DDX60L: variants seen among roughly 807,000 people sequenced by gnomAD.
The protein encoded by DDX60L is DExD/H-box 60 like.
In DDX60L, 191 loss-of-function variants were observed where a neutral mutation model predicts 211.6. That is an observed-to-expected ratio of 0.90 (90% CI 0.80 to 1.02). The LOEUF (loss-of-function observed/expected upper bound fraction) is 1.02, where lower values mean the gene tolerates loss of function less well. DDX60L is among the 50% of genes least tolerant of loss of function. DDX60L has a pLI of 0.00. For synonymous variants in DDX60L, 706 were observed against 694.1 expected, an observed-to-expected ratio of 1.02 and a Z score of -0.27; for missense variants, 2,007 against 1,984.1, an observed-to-expected ratio of 1.01 and a Z score of -0.22.
chr4:168,406,526 T>C, intron 23 of DDX60L, 76 bp downstream of exon 23: 1 of 1,020,544 alleles, frequency 9.8e-7, no homozygotes, highest in Non-Finnish European at 1.5e-6. Flanking sequence ...TGTGCTTACC[T>C]GTAGAGTAAT....
Position 168,432,423 on chromosome 4 carries a change from A to G in DDX60L, c.1516+32T>C, listed in dbSNP as rs1458620166. 3 of 1,271,742 alleles carry G rather than the reference A, an allele frequency of 2.4e-6. No individual in the cohort carries two copies. The Admixed American group carries it at 7.1e-5, about 30-fold the overall frequency. The allele number at this position is 1,271,742 out of a possible 1,614,324, so 78.8% of individuals were successfully genotyped here. A position where few individuals can be genotyped will look rare whatever the true frequency, so the allele number is the denominator to read the frequency against. On this transcript the variant is annotated intron_variant, in intron 12 of 37. Coordinates refer to ENST00000682922, the MANE Select transcript of DDX60L (RefSeq NM_001012967.3). ...AAAGAGCAGCAAAGGCAATTCATAT[A>G]AGCTCTATTTTATCGTGGTTACAGA...
At position 168,396,137 on chromosome 4, in the gene DDX60L, A is replaced by AC; in HGVS notation, c.3492-14_3492-13insG. On this transcript the variant is annotated splice_polypyrimidine_tract_variant and intron_variant, in intron 26 of 37. Coordinates refer to ENST00000682922, the MANE Select transcript of DDX60L (RefSeq NM_001012967.3). ...GTTTTTTTTAGTGCTACTATTTAAA[A>AC]AAAAAAAAAAACTTTTAAGTAATGA... 2 of 1,400,292 alleles carry AC rather than the reference A, an allele frequency of 1.4e-6. No homozygotes were observed. Among genetic ancestry groups the AC allele is most frequent in the Non-Finnish European group, 1.9e-6 (2 of 1,045,114 alleles). The allele number at this position is 1,400,292 out of a possible 1,614,324, so 86.7% of individuals were successfully genotyped here. A position where few individuals can be genotyped will look rare whatever the true frequency, so the allele number is the denominator to read the frequency against.
At position 168,472,460 on chromosome 4, in the gene DDX60L, T is replaced by C. The variant is rs1298066958; in HGVS notation, c.69A>G (p.Lys23=). 1 of 1,562,130 alleles carries C rather than the reference T, an allele frequency of 6.4e-7. No homozygotes were observed. Among genetic ancestry groups the C allele is most frequent in the Non-Finnish European group, 8.7e-7 (1 of 1,151,846 alleles). The part of the protein sequence containing the change: ...MTQLILNEMP[K]AGYSSILNDF... ...TTTTACTTCACAGTACTTACCCAGC[T>C]TTTGGCATTTCATTCAAAATTAACT... Residue 23 remains lysine (K), a synonymous_variant, in exon 3 of 38, where the codon AAA becomes AAG. Coordinates refer to ENST00000682922, the MANE Select transcript of DDX60L (RefSeq NM_001012967.3).
chr4:168,437,275 T>C (rs1233727621), intron 10 of DDX60L, among the ~76,000 whole-genome samples: 1 of 152,158 alleles, frequency 6.6e-6, no homozygotes, highest in Non-Finnish European at 1.5e-5. Context: ...CCTAATGTAA[T>C]AACTGCTATT....
At chr4:168,359,293 C>T (rs1369777935) in intron 37 of DDX60L, among the ~76,000 whole-genome samples, 2 of 152,196 alleles carry the variant, frequency 1.3e-5, no homozygotes, top group Non-Finnish European at 2.9e-5. Flanking sequence ...CTATTGACTG[C>T]TGAACATTTC....
intron 30 of DDX60L, among the ~76,000 whole-genome samples, chr4:168,381,775 A>G (rs543512031): frequency 2.6e-5 from 4 of 152,158 alleles, no homozygotes; most frequent in African/African-American, 9.7e-5. Flanking sequence ...CTGAAGACTA[A>G]TGGCTCAAAT....
At chr4:168,409,457 T>C (rs1748307245) in intron 22 of DDX60L, among the ~76,000 whole-genome samples, 1 of 152,200 alleles carries the variant, frequency 6.6e-6, no homozygotes, top group Non-Finnish European at 1.5e-5. Context: ...AAAAACTTGC[T>C]GAAAATTCAA....
intron 29 of DDX60L, among the ~76,000 whole-genome samples, chr4:168,391,215 G>A (rs932258549): frequency 5.9e-5 from 9 of 151,650 alleles, no homozygotes; most frequent in African/African-American, 2.2e-4. Context: ...ACATACTCCC[G>A]GAAAAATAAA....
intron 26 of DDX60L, 32 bp downstream of exon 26, chr4:168,400,794 G>A (rs545382547): frequency 7.0e-6 from 11 of 1,564,472 alleles, no homozygotes; most frequent in Admixed American, 1.9e-5. Flanking sequence ...GTCTTCAGGG[G>A]CCAATTTGTT....
intron 18 of DDX60L, 44 bp downstream of exon 18, chr4:168,420,217 T>TAAA: frequency 6.9e-7 from 1 of 1,440,018 alleles, no homozygotes. Flanking sequence ...ATATAAGTAC[T>TAAA]GCTCTATAAT....
In DDX60L at chr4:168,406,034, G is replaced by T. The variant is rs1267538699; in HGVS notation, c.3129C>A (p.Val1043=). ...EEFILFKNKI[V]IKKLDARKYE... is the part of the protein sequence containing the mutation. ...ATTTTCTAGCATCCAACTTCTTAAT[G>T]ACTATCTTATTCTTAAAAAGAATGA... Residue 1043 remains valine (V), a synonymous_variant, in exon 24 of 38, where the codon GTC becomes GTA. Coordinates refer to ENST00000682922, the MANE Select transcript of DDX60L (RefSeq NM_001012967.3). The T allele has an allele frequency of 1.2e-6, 2 of 1,601,326 alleles. No homozygotes were observed. The highest frequency in any genetic ancestry group is 2.7e-5 in the African/African-American group (2 of 74,390).
At chr4:168,455,272 T>TTGTGTGTG (rs34353821) in intron 7 of DDX60L, among the ~76,000 whole-genome samples, 2,710 of 144,128 alleles carry the variant, frequency 0.019, 46 homozygotes, top group African/African-American at 0.023. Context: ...CATACAAACT[T>TTGTGTGTG]TGTGTGTGTG....
Position 168,433,012 on chromosome 4 carries a change from C to G in DDX60L, c.1398G>C (p.Lys466Asn). The change falls in exon 11 of 38, where the codon AAG (lysine) becomes AAC (asparagine). Residue 466 changes from lysine to asparagine, a missense_variant and splice_region_variant. Lys to Asn is a moderately conservative substitution (Grantham distance 94, BLOSUM62 0). Coordinates refer to ENST00000682922, the MANE Select transcript of DDX60L (RefSeq NM_001012967.3). The part of the protein sequence containing the change: ...GDMMKDLPIL[K>N]SDDPVVPSLF... ...CAGGTACTTCATTAACTCTGTACCT[C>G]TTTAGAATAGGCAAATCCTTCATCA... The G allele has an allele frequency of 6.2e-7, 1 of 1,601,088 alleles. No individual in the cohort carries two copies. Among genetic ancestry groups the G allele is most frequent in the Middle Eastern group, 1.7e-4 (1 of 6,020 alleles).
chr4:168,448,066 G>T (rs1755102722), intron 9 of DDX60L, among the ~76,000 whole-genome samples: 1 of 151,880 alleles, frequency 6.6e-6, no homozygotes, highest in Non-Finnish European at 1.5e-5. Flanking sequence ...GAGAGGGTGA[G>T]AATTTTGTTA....
intron 29 of DDX60L, among the ~76,000 whole-genome samples, chr4:168,385,124 G>A (rs957262575): frequency 2.0e-5 from 3 of 152,188 alleles, no homozygotes; most frequent in South Asian, 2.1e-4. Flanking sequence ...GCTTCAGGAC[G>A]GGGACTGGTC....
chr4:168,415,639 TA>T lies in DDX60L; in HGVS notation c.2869+17del, dbSNP rs541735025. 110 of 1,511,258 alleles carry T rather than the reference TA, an allele frequency of 7.3e-5. No homozygotes were observed. The highest frequency in any genetic ancestry group is 6.4e-4 in the African/African-American group (45 of 70,642). The allele number at this position is 1,511,258 out of a possible 1,614,324, so 93.6% of individuals were successfully genotyped here. On this transcript the variant is annotated intron_variant, in intron 21 of 37. Transcript: ENST00000682922. ...AAATATAAAAATATATAGTAAAACA[TA>T]AAAAAAATAAGCTTACCAAGTCTAA... is the stretch of plus-strand genomic sequence containing the variant.
In DDX60L at chr4:168,440,429, G is replaced by C. The variant is rs950281065; in HGVS notation, c.1294+908C>G. Among the ~76,000 whole-genome samples the C allele has an allele frequency of 4.6e-5, 7 of 152,170 alleles. 1 individual carries two copies. The highest frequency in any genetic ancestry group is 4.1e-4 in the South Asian group (2 of 4,830). Reference sequence around the variant, plus strand: ...GTTATATGTAAGAATATTCATAACAGTTTTACCCTTCAATCACTTCTCATT... The same window carrying C: ...GTTATATGTAAGAATATTCATAACACTTTTACCCTTCAATCACTTCTCATT... On this transcript the variant is annotated intron_variant, in intron 10 of 37. Coordinates refer to ENST00000682922, the MANE Select transcript of DDX60L (RefSeq NM_001012967.3).
At chr4:168,411,324 A>G (rs1298665589) in intron 22 of DDX60L, among the ~76,000 whole-genome samples, 3 of 152,346 alleles carry the variant, frequency 2.0e-5, no homozygotes, top group South Asian at 4.1e-4. Flanking sequence ...TGAAGAGGGC[A>G]GGAAAGACAG....
In DDX60L at chr4:168,441,321, T is replaced by C. The variant is rs767309393; in HGVS notation, c.1294+16A>G. The C allele has an allele frequency of 1.9e-6, 3 of 1,569,668 alleles. No individual in the cohort carries two copies. The highest frequency in any genetic ancestry group is 2.7e-5 in the African/African-American group (2 of 73,804). ...CAAACATGCTTTTGTTCCACTTTAA[T>C]TTACCCATTTAGTACCTTGAATGAC... On this transcript the variant is annotated intron_variant, in intron 10 of 37. Transcript: ENST00000682922.
Sources: allele counts gnomAD v4.1 joint callset (sites outside exome capture counted in the v4.1 genomes callset), GRCh38; gene constraint gnomAD v4.1.1; transcripts MANE v1.5; gene names NCBI Gene and HGNC (gene_info 2026-07-23, HGNC 2026-07-21).